GNB1L: variants seen among roughly 807,000 people sequenced by gnomAD.
The protein encoded by GNB1L is G protein subunit beta 1 like.
A neutral mutation model predicts 29.1 loss-of-function variants in GNB1L; 20 were observed. The observed-to-expected ratio is 0.69, with a 90% CI of 0.48 to 1.00. The LOEUF is 1.00. GNB1L is among the 50% of genes least tolerant of loss of function. The pLI is 0.00. For missense variants in GNB1L, 421 were observed against 464.9 expected (o/e 0.91, Z 0.87); for synonymous variants, 193 against 206.5 (o/e 0.93, Z 0.56).
intron 2 of GNB1L, chr22:19,849,210 C>T (rs2145904151): frequency 1.0e-6 from 1 of 985,364 alleles, no homozygotes; most frequent in East Asian, 1.1e-4. Flanking sequence ...AATAGCTTCC[C>T]ACCTATTTCC....
chr22:19,837,427 G>A (rs1937784716), intron 2 of GNB1L, among the ~76,000 whole-genome samples: 1 of 152,172 alleles, frequency 6.6e-6, no homozygotes, highest in African/African-American at 2.4e-5. Context: ...ATGGGCAATA[G>A]ATTTGAACAA....
chr22:19,826,213 G>A (rs1451445865), intron 2 of GNB1L, among the ~76,000 whole-genome samples: 6 of 152,162 alleles, frequency 3.9e-5, no homozygotes, highest in Non-Finnish European at 8.8e-5. Context: ...GATGCTCAGT[G>A]TTAGGCTGAG....
chr22:19,787,145 T>A lies in GNB1L; in HGVS notation c.*1564A>T, dbSNP rs1260447903. Reference sequence around the variant, plus strand: ...CCCCCAGCAACCATGTTCCTCACAGTGGGGTTGGGGAGGCACGGCCTTGGG... The same window carrying A: ...CCCCCAGCAACCATGTTCCTCACAGAGGGGTTGGGGAGGCACGGCCTTGGG... On this transcript the variant is annotated 3_prime_UTR_variant, in exon 8 of 8. Transcript: ENST00000329517. 6.6e-6 allele frequency: 1 copy of A among 152,330 alleles called. No homozygotes were observed. The highest frequency in any genetic ancestry group is 6.5e-5 in the Admixed American group (1 of 15,286). The allele number at this position is 152,330 out of a possible 1,614,324, so 9.4% of individuals were successfully genotyped here. A position where few individuals can be genotyped will look rare whatever the true frequency, so the allele number is the denominator to read the frequency against.
At chr22:19,828,901 G>A (rs114751018) in intron 2 of GNB1L, among the ~76,000 whole-genome samples, 408 of 150,976 alleles carry the variant, frequency 2.7e-3, no homozygotes, top group African/African-American at 9.5e-3. Flanking sequence ...ACGTGGTTTC[G>A]GCTCACTGCA....
intron 2 of GNB1L, among the ~76,000 whole-genome samples, chr22:19,834,058 A>C (rs1324727208): frequency 6.6e-6 from 1 of 152,060 alleles, no homozygotes; most frequent in Non-Finnish European, 1.5e-5. Flanking sequence ...AGTAGAAGAG[A>C]GAAACAGATT....
rs891675972 is a variant in GNB1L at position 19,787,610 on chromosome 22, C to T, written c.*1099G>A. ...AGGACTAGAAGCCCAGGTGGGGGTCCCAAGGAGCATCGGCAGGGCCTTGCA... is the reference window on the plus strand; with the variant it reads ...AGGACTAGAAGCCCAGGTGGGGGTCTCAAGGAGCATCGGCAGGGCCTTGCA... On this transcript the variant is annotated 3_prime_UTR_variant, in exon 8 of 8. Coordinates refer to ENST00000329517, the MANE Select transcript of GNB1L (RefSeq NM_053004.3). 2 of 152,246 alleles carry T rather than the reference C, an allele frequency of 1.3e-5. No individual in the cohort carries two copies. The highest frequency in any genetic ancestry group is 2.9e-5 in the Non-Finnish European group (2 of 68,094). The allele number at this position is 152,246 out of a possible 1,614,324, so 9.4% of individuals were successfully genotyped here. A position where few individuals can be genotyped will look rare whatever the true frequency, so the allele number is the denominator to read the frequency against.
chr22:19,821,080 T>C lies in GNB1L; in HGVS notation c.128+148A>G, dbSNP rs377652400. ...CTCCCCCAAGGGACAGTGTGTCTGC[T>C]GGTGGGTGCTGAAAGCTCAGCAAGC... On this transcript the variant is annotated intron_variant, in intron 3 of 7. Transcript: ENST00000329517. The C allele has an allele frequency of 2.2e-5, 16 of 740,992 alleles. 1 individual carries two copies. Among genetic ancestry groups the C allele is most frequent in the East Asian group, 2.5e-5 (1 of 40,520 alleles). The allele number at this position is 740,992 out of a possible 1,614,324, so 45.9% of individuals were successfully genotyped here.
chr22:19,808,917 C>CTGTGAG (rs1937466724), intron 5 of GNB1L, among the ~76,000 whole-genome samples: 1 of 152,122 alleles, frequency 6.6e-6, no homozygotes, highest in Non-Finnish European at 1.5e-5. Flanking sequence ...GAGCCACCGT[C>CTGTGAG]AGGGCTGTGG....
Position 19,789,001 on chromosome 22 carries a change from C to T in GNB1L, c.733-41G>A, listed in dbSNP as rs763050467. 1.0e-5 allele frequency: 16 copies of T among 1,560,064 alleles called. No individual in the cohort carries two copies. The South Asian group carries it at 1.2e-4, about 12-fold the overall frequency. ...GAGGTGTTAGGCCACTCCTTAAGCCCACAAGGCAGTGCTGCCCCTGGTGCC... is the reference window on the plus strand; with the variant it reads ...GAGGTGTTAGGCCACTCCTTAAGCCTACAAGGCAGTGCTGCCCCTGGTGCC... On this transcript the variant is annotated intron_variant, in intron 7 of 7. Coordinates refer to ENST00000329517, the MANE Select transcript of GNB1L (RefSeq NM_053004.3).
chr22:19,793,191 C>A, intron 7 of GNB1L: 2 of 757,620 alleles, frequency 2.6e-6, no homozygotes, highest in South Asian at 3.6e-5. Context: ...CAAATAATTA[C>A]CCAAAAAATT....
At chr22:19,834,561 G>A (rs531931910) in intron 2 of GNB1L, among the ~76,000 whole-genome samples, 10 of 152,300 alleles carry the variant, frequency 6.6e-5, no homozygotes, top group African/African-American at 2.4e-4. Flanking sequence ...CATAATGGAG[G>A]AGGGTAAGGG....
intron 2 of GNB1L, among the ~76,000 whole-genome samples, chr22:19,839,843 G>A (rs778225370): frequency 2.6e-5 from 4 of 151,338 alleles, no homozygotes; most frequent in Non-Finnish European, 4.4e-5. Context: ...TCGTACCACT[G>A]CACTCCAGCC....
chr22:19,828,479 A>C lies in GNB1L; in HGVS notation c.-20-7104T>G, dbSNP rs575251278. Among the ~76,000 whole-genome samples, 5 of 152,208 alleles carry C rather than the reference A, an allele frequency of 3.3e-5. No individual in the cohort carries two copies. The South Asian group carries it at 1.0e-3, about 32-fold the overall frequency. ...AGACCAGCCTGAGCAACATAGTCAG[A>C]TTCCATCTCTCAAAACAAATAAAAA... On this transcript the variant is annotated intron_variant, in intron 2 of 7. Coordinates refer to ENST00000329517, the MANE Select transcript of GNB1L (RefSeq NM_053004.3).
At chr22:19,807,018 T>C (rs1025825693) in intron 5 of GNB1L, among the ~76,000 whole-genome samples, 5 of 152,242 alleles carry the variant, frequency 3.3e-5, no homozygotes, top group African/African-American at 1.2e-4. Context: ...GCTGGTTCAC[T>C]GGCCCCTGAC....
At chr22:19,820,110 C>A (rs532602271) in intron 4 of GNB1L, among the ~76,000 whole-genome samples, 1 of 152,282 alleles carries the variant, frequency 6.6e-6, no homozygotes, top group South Asian at 2.1e-4. Flanking sequence ...GTGTGACCTG[C>A]CATGCTCATG....
chr22:19,784,352 C>G lies in GNB1L; in HGVS notation c.*4357G>C, dbSNP rs561169344. The G allele has an allele frequency of 6.6e-6, 1 of 152,184 alleles. No individual in the cohort carries two copies. The highest frequency in any genetic ancestry group is 1.5e-5 in the Non-Finnish European group (1 of 68,048). 9.4% of individuals were successfully genotyped at this position (152,184 alleles called of 1,614,324 possible). The stretch of plus-strand genomic sequence containing the variant: ...CTGGGCTGTGCTCCGGAGCCCTTCC[C>G]GGGATCATCTCCCGGCATCGGCTGA... On this transcript the variant is annotated 3_prime_UTR_variant, in exon 8 of 8. Transcript: ENST00000329517.
chr22:19,840,459 C>T (rs907515560), intron 2 of GNB1L, among the ~76,000 whole-genome samples: 1 of 152,312 alleles, frequency 6.6e-6, no homozygotes, highest in East Asian at 1.9e-4. Flanking sequence ...CAGGTGATGA[C>T]GCTCAGCATC....
chr22:19,802,050 G>A lies in GNB1L; in HGVS notation c.683C>T (p.Ala228Val), dbSNP rs574576970. ...SQKARGISGS[A>V]GKALAVWSLD... ...GCTCCAGACAGCCAGCGCCTTCCCC[G>A]CGGAGCCTGAGATGCCCCTGGCCTT... The change falls in exon 7 of 8, where the codon GCG becomes GTG. Residue 228 changes from alanine to valine, a missense_variant. By Grantham distance (64) the Ala-to-Val change is moderately conservative. Transcript: ENST00000329517. 7 of 1,611,234 alleles carry A rather than the reference G, an allele frequency of 4.3e-6. No individual in the cohort carries two copies. In the African/African-American group the frequency reaches 5.3e-5, roughly 12 times the overall value.
rs2145855248 is a variant in GNB1L, at chr22:19,784,661, G to A, written c.*4048C>T. ...AGCACATGGTGGCGCCCACCGTCGA[G>A]AGGGGAGGCCCCTTGGCACTGGAGG... On this transcript the variant is annotated 3_prime_UTR_variant, in exon 8 of 8. Transcript: ENST00000329517. 1 of 152,400 alleles carries A rather than the reference G, an allele frequency of 6.6e-6. No individual in the cohort carries two copies. The highest frequency in any genetic ancestry group is 1.9e-4 in the East Asian group (1 of 5,178). 9.4% of individuals were successfully genotyped at this position (152,400 alleles called of 1,614,324 possible).
Sources: gnomAD v4.1 joint callset for allele counts (sites outside exome capture counted in the v4.1 genomes callset) on GRCh38, gnomAD v4.1.1 for gene constraint, MANE v1.5 for transcripts, NCBI Gene and HGNC (gene_info 2026-07-23, HGNC 2026-07-21) for gene names.